Variants in SCNN1B observed in about 807,000 individuals in gnomAD.
The protein encoded by SCNN1B is sodium channel epithelial 1 subunit beta.
In SCNN1B, 46 loss-of-function variants were observed where a neutral mutation model predicts 65.3. The ratio of observed to expected loss-of-function variants is 0.70; its 90% confidence interval spans 0.56 to 0.90. The LOEUF is 0.90. SCNN1B is among the 40% of genes least tolerant of loss of function. The pLI is 0.00. For synonymous variants in SCNN1B, 349 were observed against 330.6 expected, an observed-to-expected ratio of 1.06 and a Z score of -0.60; for missense variants, 751 against 830.5, an observed-to-expected ratio of 0.90 and a Z score of 1.18.
chr16:23,289,757 C>T (rs148091646), intron 2 of SCNN1B, among the ~76,000 whole-genome samples: 3,308 of 148,008 alleles, frequency 0.022, 50 homozygotes, highest in Non-Finnish European at 0.036. Flanking sequence ...CTCACTGCAA[C>T]CTCTGCCTCT....
intron 1 of SCNN1B, among the ~76,000 whole-genome samples, chr16:23,317,896 T>A (rs1166997657): frequency 6.6e-6 from 1 of 152,194 alleles, no homozygotes; most frequent in African/African-American, 2.4e-5. Flanking sequence ...TGATGAAGGA[T>A]GCTTCTTGGA....
chr16:23,305,241 GA>G (rs1300854273), intron 1 of SCNN1B, among the ~76,000 whole-genome samples: 1 of 151,954 alleles, frequency 6.6e-6, no homozygotes, highest in African/African-American at 2.4e-5. Flanking sequence ...TGGAATACAA[GA>G]GATAGCAAAA....
At chr16:23,328,057 G>A (rs1023410697) in intron 1 of SCNN1B, among the ~76,000 whole-genome samples, 2 of 152,170 alleles carry the variant, frequency 1.3e-5, no homozygotes, top group Admixed American at 6.6e-5. Flanking sequence ...AGCTGGGGCC[G>A]AGGGGTCAGT....
chr16:23,345,539 G>A (rs1962168500), intron 1 of SCNN1B, among the ~76,000 whole-genome samples: 1 of 152,152 alleles, frequency 6.6e-6, no homozygotes, highest in African/African-American at 2.4e-5. Flanking sequence ...TTATTCTCAG[G>A]AAGACTTCCC....
intron 8 of SCNN1B, among the ~76,000 whole-genome samples, chr16:23,376,244 C>T (rs1962892501): frequency 6.6e-6 from 1 of 152,206 alleles, no homozygotes; most frequent in African/African-American, 2.4e-5. Flanking sequence ...CGTCCAAATG[C>T]ACAGGAGCTG....
At chr16:23,316,263 TCACCATCTTCACCATCAC>T (rs1222777666) in intron 1 of SCNN1B, among the ~76,000 whole-genome samples, 70 of 139,722 alleles carry the variant, frequency 5.0e-4, no homozygotes, top group South Asian at 9.6e-4. Context: ...ACAACCATTA[TCACCATCTTCACCATCAC>T]CACCATCACC....
intron 4 of SCNN1B, among the ~76,000 whole-genome samples, chr16:23,362,708 G>A (rs570002368): frequency 3.7e-4 from 57 of 152,332 alleles, no homozygotes; most frequent in African/African-American, 1.2e-3. Context: ...AGAGCATGGC[G>A]CGGGCAGGAG....
rs572758958 is a variant in SCNN1B at position 23,348,541 on chromosome 16, G to A, written c.-8-51G>A. The A allele has an allele frequency of 7.6e-6, 12 of 1,587,862 alleles. No homozygotes were observed. Among genetic ancestry groups the A allele is most frequent in the African/African-American group, 2.7e-5 (2 of 74,404 alleles). On this transcript the variant is annotated intron_variant, in intron 1 of 12. Transcript: ENST00000343070. This position sits in a 1 kb window ranked among gnomAD's most constrained non-coding sequence, Gnocchi z 4.5. ...TCCTGGACGTGACTGGGACATCCTC[G>A]CAGGCAAGGCTGGTGTCCCAGCTGA...
intron 1 of SCNN1B, among the ~76,000 whole-genome samples, chr16:23,306,000 T>C (rs1435536204): frequency 6.6e-6 from 1 of 152,172 alleles, no homozygotes; most frequent in African/African-American, 2.4e-5. Flanking sequence ...CCCAACACTT[T>C]GGGAGGCTGA....
intron 2 of SCNN1B, among the ~76,000 whole-genome samples, chr16:23,291,255 G>T (rs1337235937): frequency 6.6e-6 from 1 of 151,824 alleles, no homozygotes; most frequent in Non-Finnish European, 1.5e-5. Flanking sequence ...TAGAGACAGG[G>T]TTTCACCATG....
Position 23,381,007 on chromosome 16 carries a change from G to A in SCNN1B, c.*206G>A. 1 of 645,968 alleles carries A rather than the reference G, an allele frequency of 1.5e-6. No homozygotes were observed. The highest frequency in any genetic ancestry group is 2.8e-6 in the Non-Finnish European group (1 of 360,224). 40.0% of individuals were successfully genotyped at this position (645,968 alleles called of 1,614,324 possible). A position where few individuals can be genotyped will look rare whatever the true frequency, so the allele number is the denominator to read the frequency against. Reference sequence around the variant, plus strand: ...AATCACGGTGCTGGTACAGGATGCAGGAATAAATTGTATCTTCACCTGGTT... The same window carrying A: ...AATCACGGTGCTGGTACAGGATGCAAGAATAAATTGTATCTTCACCTGGTT... On this transcript the variant is annotated 3_prime_UTR_variant, in exon 13 of 13. Transcript: ENST00000343070.
intron 1 of SCNN1B, among the ~76,000 whole-genome samples, chr16:23,311,798 A>G (rs1329632581): frequency 6.6e-6 from 1 of 152,194 alleles, no homozygotes; most frequent in Non-Finnish European, 1.5e-5. Flanking sequence ...TGTCTGATAC[A>G]TGCCTGGCTC....
intron 2 of SCNN1B, among the ~76,000 whole-genome samples, chr16:23,295,743 G>A (rs1046106758): frequency 5.9e-5 from 9 of 152,202 alleles, no homozygotes; most frequent in East Asian, 3.9e-4. Context: ...ACCCCTGCAC[G>A]TTTAGGAAGT....
intron 1 of SCNN1B, among the ~76,000 whole-genome samples, chr16:23,337,388 T>C (rs2142006172): frequency 6.6e-6 from 1 of 150,970 alleles, no homozygotes. Context: ...TTTTTTTTTT[T>C]TTGAGATGGA....
At chr16:23,333,035 C>T (rs1383281933) in intron 1 of SCNN1B, among the ~76,000 whole-genome samples, 1 of 150,786 alleles carries the variant, frequency 6.6e-6, no homozygotes, top group East Asian at 2.0e-4. Flanking sequence ...CGCCCCATTG[C>T]ACTCCAGCCT....
At chr16:23,287,198 T>C (rs537438413) in intron 2 of SCNN1B, among the ~76,000 whole-genome samples, 19 of 151,676 alleles carry the variant, frequency 1.3e-4, no homozygotes, top group Non-Finnish European at 2.4e-4. Context: ...AGTGATGGGG[T>C]TTTGCCATGT....
intron 4 of SCNN1B, among the ~76,000 whole-genome samples, chr16:23,357,524 A>C (rs1323282059): frequency 6.6e-6 from 1 of 152,204 alleles, no homozygotes; most frequent in East Asian, 1.9e-4. Context: ...CGGAGGTTGT[A>C]GTGAGCAGAG....
intron 4 of SCNN1B, among the ~76,000 whole-genome samples, chr16:23,361,799 G>A (rs576191445): frequency 8.6e-5 from 13 of 152,044 alleles, no homozygotes; most frequent in Admixed American, 5.3e-4. Flanking sequence ...TTGTTTGTTT[G>A]TTTTTGTTTT....
At chr16:23,336,782 C>T (rs533817419) in intron 1 of SCNN1B, among the ~76,000 whole-genome samples, 1 of 152,104 alleles carries the variant, frequency 6.6e-6, no homozygotes, top group East Asian at 1.9e-4. Flanking sequence ...TGTTATTTCA[C>T]AGGTGTAATA....
Sources: allele counts gnomAD v4.1 joint callset (sites outside exome capture counted in the v4.1 genomes callset), GRCh38; gene constraint gnomAD v4.1.1; non-coding constraint Gnocchi (gnomAD v3.1); transcripts MANE v1.5; gene names NCBI Gene and HGNC (gene_info 2026-07-23, HGNC 2026-07-21).